The following CACNA1C variants were observed in gnomAD, a reference collection of about 807,000 sequenced individuals.
CACNA1C encodes the protein voltage-dependent L-type calcium channel subunit alpha-1C.
Under a neutral mutation model 229.0 loss-of-function variants are expected in CACNA1C, and 30 were observed. The ratio of observed to expected loss-of-function variants is 0.13; its 90% confidence interval spans 0.10 to 0.18. CACNA1C has a LOEUF of 0.18. Ranked by LOEUF, CACNA1C falls within the 10% of genes least tolerant of loss-of-function variation. The pLI, the probability that CACNA1C is intolerant of heterozygous loss-of-function variation, is 1.00. For synonymous variants in CACNA1C, 1,114 were observed against 1,132.5 expected, an observed-to-expected ratio of 0.98 and a Z score of 0.33; for missense variants, 1,658 against 2,845.0, an observed-to-expected ratio of 0.58 and a Z score of 9.49.
intron 3 of CACNA1C, among the ~76,000 whole-genome samples, chr12:2,161,537 G>A (rs774247737): frequency 2.5e-4 from 38 of 152,210 alleles, no homozygotes; most frequent in Non-Finnish European, 4.7e-4. Context: ...CCATGGCAGC[G>A]GAGATAAATG....
chr12:1,983,204 T>A (rs1016473988), intron 1 of CACNA1C, among the ~76,000 whole-genome samples: 1 of 148,844 alleles, frequency 6.7e-6, no homozygotes, highest in Admixed American at 6.7e-5. Context: ...AGGTTTTGGT[T>A]TCACTAATTT....
chr12:2,135,704 C>T (rs959971586), intron 3 of CACNA1C, among the ~76,000 whole-genome samples: 1 of 145,816 alleles, frequency 6.9e-6, no homozygotes, highest in Admixed American at 6.8e-5. Context: ...CCACTGCTCT[C>T]TTCAAAGCTG....
At chr12:2,383,468 C>G (rs983462939) in intron 3 of CACNA1C, among the ~76,000 whole-genome samples, 1 of 152,106 alleles carries the variant, frequency 6.6e-6, no homozygotes, top group African/African-American at 2.4e-5. Context: ...GTCTTCATGT[C>G]CGGTTGAGCG....
At chr12:2,593,398 G>T in intron 19 of CACNA1C, 53 bp downstream of exon 19, 1 of 1,595,932 alleles carries the variant, frequency 6.3e-7, no homozygotes, top group Non-Finnish European at 8.6e-7. Context: ...GTACCAGCCT[G>T]GCAGTTGCCT....
At chr12:2,310,315 A>T (rs1166518570) in intron 3 of CACNA1C, among the ~76,000 whole-genome samples, 6 of 150,474 alleles carry the variant, frequency 4.0e-5, no homozygotes, top group Non-Finnish European at 8.8e-5. Context: ...ATGGGGCAAC[A>T]TCCTGTCCTG....
At chr12:2,141,394 A>G (rs2094170088) in intron 3 of CACNA1C, among the ~76,000 whole-genome samples, 1 of 151,222 alleles carries the variant, frequency 6.6e-6, no homozygotes. Flanking sequence ...CTGGGGAAGA[A>G]AGCCCTGGAC....
intron 1 of CACNA1C, among the ~76,000 whole-genome samples, chr12:2,058,103 T>C (rs1391845700): frequency 1.3e-5 from 2 of 152,230 alleles, no homozygotes; most frequent in African/African-American, 4.8e-5. Flanking sequence ...GCGCCTGGCA[T>C]TTTCTTTTCT....
At chr12:2,591,951 T>C (rs542623689) in intron 18 of CACNA1C, among the ~76,000 whole-genome samples, 3 of 152,334 alleles carry the variant, frequency 2.0e-5, no homozygotes, top group African/African-American at 7.2e-5. Flanking sequence ...TGTTTTTGTG[T>C]CTCTGTGCCT....
chr12:2,330,916 T>C (rs2096526085), intron 3 of CACNA1C, among the ~76,000 whole-genome samples: 1 of 152,196 alleles, frequency 6.6e-6, no homozygotes, highest in South Asian at 2.1e-4. Context: ...GGGAGGACTT[T>C]AATAGCTCAA....
chr12:2,097,517 C>T (rs1305697404), intron 1 of CACNA1C, among the ~76,000 whole-genome samples: 1 of 152,168 alleles, frequency 6.6e-6, no homozygotes, highest in East Asian at 1.9e-4. Flanking sequence ...TCCCCACCAG[C>T]AACACATGAA....
rs537501226 is a variant in CACNA1C, at chr12:1,979,294, G to A, written c.139+8093G>A. On this transcript the variant is annotated intron_variant, in intron 1 of 46. Coordinates refer to the CACNA1C transcript ENST00000682462. The stretch of plus-strand genomic sequence containing the variant: ...CTCCCAAAGTGTTGGGATTACAAGC[G>A]TGAGCCACAGCGCCTGGATTTTTTG... Among the ~76,000 whole-genome samples the A allele has an allele frequency of 4.6e-5, 7 of 151,844 alleles. No individual in the cohort carries two copies. In the East Asian group the frequency reaches 1.2e-3, roughly 25 times the overall value.
chr12:2,502,432 T>C (rs2099762631), intron 7 of CACNA1C, among the ~76,000 whole-genome samples: 3 of 152,184 alleles, frequency 2.0e-5, no homozygotes, highest in Non-Finnish European at 4.4e-5. Flanking sequence ...AATGATACAG[T>C]TACCAAGTGA....
At chr12:2,309,492 T>TACACAC (rs375903186) in intron 3 of CACNA1C, among the ~76,000 whole-genome samples, 4 of 146,298 alleles carry the variant, frequency 2.7e-5, no homozygotes, top group African/African-American at 5.0e-5. Context: ...CACACACACA[T>TACACAC]ACACACACAC....
intron 13 of CACNA1C, among the ~76,000 whole-genome samples, chr12:2,569,235 A>G (rs542283791): frequency 6.6e-6 from 1 of 152,224 alleles, no homozygotes; most frequent in East Asian, 1.9e-4. Context: ...TAGGACAATG[A>G]TTTTCACCTG....
intron 29 of CACNA1C, among the ~76,000 whole-genome samples, chr12:2,618,610 G>T (rs1217645626): frequency 6.6e-6 from 1 of 152,244 alleles, no homozygotes; most frequent in Non-Finnish European, 1.5e-5. Flanking sequence ...CACCTGAGGG[G>T]CCAGGGGAAC....
rs1245440627 is a variant in CACNA1C at position 2,691,034 on chromosome 12, G to C, written c.6252G>C (p.Gly2084=). Residue 2084 remains glycine, a synonymous_variant, in exon 47 of 47, where the codon GGG becomes GGC. Transcript: ENST00000399655. ...MESAADNILS[G]GAPQSPNGAL... ...GCGCGGCCGACAACATCCTCAGCGG[G>C]GGCGCCCCACAGAGCCCCAATGGCG... The C allele has an allele frequency of 1.2e-6, 2 of 1,603,372 alleles. No homozygotes were observed. Among genetic ancestry groups the C allele is most frequent in the Admixed American group, 3.4e-5 (2 of 58,456 alleles).
intron 3 of CACNA1C, among the ~76,000 whole-genome samples, chr12:2,340,742 G>A (rs2096837628): frequency 6.6e-6 from 1 of 152,216 alleles, no homozygotes; most frequent in Admixed American, 6.5e-5. Flanking sequence ...CAGATCACGA[G>A]GTCAGGAGAT....
At chr12:2,560,959 C>T (rs2047163838) in intron 11 of CACNA1C, among the ~76,000 whole-genome samples, 1 of 151,710 alleles carries the variant, frequency 6.6e-6, no homozygotes, top group African/African-American at 2.4e-5. Flanking sequence ...TGCACCATTG[C>T]ATGTCAAGCA....
chr12:2,341,744 G>A (rs1000192098), intron 3 of CACNA1C, among the ~76,000 whole-genome samples: 1 of 152,216 alleles, frequency 6.6e-6, no homozygotes, highest in African/African-American at 2.4e-5. Context: ...GTACGAGCAC[G>A]TGTGACGGAC....
Sources: allele counts gnomAD v4.1 joint callset (sites outside exome capture counted in the v4.1 genomes callset), GRCh38; gene constraint gnomAD v4.1.1; transcripts MANE v1.5; gene names NCBI Gene and HGNC (gene_info 2026-07-23, HGNC 2026-07-21).